The following LMAN2 variants were observed in gnomAD, a reference collection of about 807,000 sequenced individuals.
The protein encoded by LMAN2 is vesicular integral-membrane protein VIP36.
LMAN2 carries 22 observed loss-of-function variants against 39.3 expected under a neutral mutation model. The observed-to-expected ratio is 0.56, with a 90% CI of 0.40 to 0.80. The LOEUF (loss-of-function observed/expected upper bound fraction) is 0.80, where lower values mean the gene tolerates loss of function less well. LMAN2 is among the 30% of genes least tolerant of loss of function. LMAN2 has a pLI of 0.00. For missense variants in LMAN2, 494 were observed against 505.4 expected, an observed-to-expected ratio of 0.98 and a Z score of 0.22; for synonymous variants, 207 against 207.8, an observed-to-expected ratio of 1.00 and a Z score of 0.03.
At chr5:177,345,218 G>C (rs563596227) in intron 2 of LMAN2, among the ~76,000 whole-genome samples, 16 of 150,876 alleles carry the variant, frequency 1.1e-4, no homozygotes, top group Non-Finnish European at 2.1e-4. Flanking sequence ...GGTGGTGTGC[G>C]CCTGTAGTCC....
At position 177,331,996 on chromosome 5, in the gene LMAN2, G is replaced by C. The variant is rs1581599676; in HGVS notation, c.*90C>G. On this transcript the variant is annotated 3_prime_UTR_variant, in exon 8 of 8. Coordinates refer to ENST00000303127, the MANE Select transcript of LMAN2 (RefSeq NM_006816.3). ...TTTATTTGAAACAGTTAAGAAATAA[G>C]GTCATCTTGTTGTTCTTTTATAATC... 9 of 1,285,240 alleles carry C rather than the reference G, an allele frequency of 7.0e-6. No homozygotes were observed. The South Asian group carries it at 1.2e-4, about 17-fold the overall frequency. The allele number at this position is 1,285,240 out of a possible 1,614,324, so 79.6% of individuals were successfully genotyped here.
At position 177,332,920 on chromosome 5, in the gene LMAN2, C is replaced by A. The variant is rs922889195; in HGVS notation, c.911-674G>T. ...GCCACTCTGCCTCCCTCCCTGACTG[C>A]GGCCCCCCCGACTCCACACTGTACA... On this transcript the variant is annotated intron_variant, in intron 7 of 7. Transcript: ENST00000303127. This position sits in a 1 kb window ranked among gnomAD's most constrained non-coding sequence, Gnocchi z 6.3. Among the ~76,000 whole-genome samples, 2 of 151,948 alleles carry A rather than the reference C, an allele frequency of 1.3e-5. No individual in the cohort carries two copies. The highest frequency in any genetic ancestry group is 4.8e-5 in the African/African-American group (2 of 41,352).
At chr5:177,343,359 G>A (rs529049837) in intron 2 of LMAN2, among the ~76,000 whole-genome samples, 20 of 152,266 alleles carry the variant, frequency 1.3e-4, no homozygotes, top group South Asian at 8.3e-4. Context: ...ACAGAAAACC[G>A]TTTGGTAGTC....
rs778900970 is a variant in LMAN2, at chr5:177,351,629, T to C, written c.19A>G (p.Ile7Val). 1.3e-5 allele frequency: 20 copies of C among 1,593,944 alleles called. No individual in the cohort carries two copies. The highest frequency in any genetic ancestry group is 1.7e-5 in the Non-Finnish European group (20 of 1,172,770). Reference sequence around the variant, plus strand: ...CGCCGGCCCCAGCCCCAACGCCAAATCCAGCCTTCCGCCGCCATTCTCCTC... The same window carrying C: ...CGCCGGCCCCAGCCCCAACGCCAAACCCAGCCTTCCGCCGCCATTCTCCTC... Reference protein sequence around the residue: MAAEGWIWRWGWGRRCL... With the variant: MAAEGWVWRWGWGRRCL... Residue 7 changes from isoleucine to valine, a missense_variant, in exon 1 of 8, where the codon ATT becomes GTT. Coordinates refer to ENST00000303127, the MANE Select transcript of LMAN2 (RefSeq NM_006816.3).
Position 177,332,419 on chromosome 5 carries a change from C to G in LMAN2, c.911-173G>C, listed in dbSNP as rs1308545428. On this transcript the variant is annotated intron_variant, in intron 7 of 7. Coordinates refer to ENST00000303127, the MANE Select transcript of LMAN2 (RefSeq NM_006816.3). The surrounding 1 kb of genome is among the most constrained non-coding windows in gnomAD (Gnocchi z 6.3). ...CAGGTGAAGCCCATCCCAGCCAGCT[C>G]TGCAGTCCCCAGGGCAGGGTGGGGC... The G allele has an allele frequency of 2.9e-5, 18 of 628,804 alleles. No homozygotes were observed. The East Asian group carries it at 5.0e-4, about 17-fold the overall frequency. 39.0% of individuals were successfully genotyped at this position (628,804 alleles called of 1,614,324 possible). A position where few individuals can be genotyped will look rare whatever the true frequency, so the allele number is the denominator to read the frequency against.
intron 2 of LMAN2, among the ~76,000 whole-genome samples, chr5:177,340,989 T>C (rs1472893706): frequency 2.6e-5 from 4 of 151,582 alleles, no homozygotes; most frequent in Non-Finnish European, 4.4e-5. Flanking sequence ...TCTCCTGACC[T>C]TGTGATCCGC....
chr5:177,335,477 C>A (rs1019646937), intron 6 of LMAN2, among the ~76,000 whole-genome samples: 2 of 152,240 alleles, frequency 1.3e-5, no homozygotes. Context: ...CTCCTCCACT[C>A]TGTGCTGGGC....
chr5:177,344,008 G>A (rs903661076), intron 2 of LMAN2, among the ~76,000 whole-genome samples: 8 of 151,634 alleles, frequency 5.3e-5, no homozygotes, highest in African/African-American at 9.7e-5. Flanking sequence ...CCAGGAGTTC[G>A]AGACCAGCCC....
rs190722130 is a variant in LMAN2, at chr5:177,342,168, C to G, written c.316-3563G>C. On this transcript the variant is annotated intron_variant, in intron 2 of 7. Coordinates refer to ENST00000303127, the MANE Select transcript of LMAN2 (RefSeq NM_006816.3). ...AGGATCTCTGTATTATTTCCTGCAA[C>G]GGCATGTGAATTTATAATTATGTCA... 2.6e-5 allele frequency among the ~76,000 whole-genome samples: 4 copies of G among 152,136 alleles called. No individual in the cohort carries two copies. The South Asian group carries it at 6.2e-4, about 24-fold the overall frequency.
intron 2 of LMAN2, 80 bp downstream of exon 2, chr5:177,351,093 A>C (rs1223725370): frequency 2.4e-6 from 3 of 1,253,236 alleles, no homozygotes; most frequent in Non-Finnish European, 3.5e-6. Context: ...CCTATAAACG[A>C]AGCTGGGGTC....
chr5:177,342,561 C>T (rs895838882), intron 2 of LMAN2, among the ~76,000 whole-genome samples: 1 of 152,114 alleles, frequency 6.6e-6, no homozygotes, highest in African/African-American at 2.4e-5. Flanking sequence ...CTGCGCATGC[C>T]TGTAGTCCCA....
chr5:177,347,546 T>C (rs548229910), intron 2 of LMAN2, among the ~76,000 whole-genome samples: 2 of 151,954 alleles, frequency 1.3e-5, no homozygotes, highest in Non-Finnish European at 2.9e-5. Context: ...ACAAACACGA[T>C]ATGACCACAG....
At chr5:177,336,514 A>C (rs1761473112) in intron 6 of LMAN2, among the ~76,000 whole-genome samples, 1 of 152,228 alleles carries the variant, frequency 6.6e-6, no homozygotes. Flanking sequence ...TGGTGGCCTG[A>C]AGCCGCCAGG....
chr5:177,339,829 A>G (rs1292216275), intron 2 of LMAN2, among the ~76,000 whole-genome samples: 1 of 152,254 alleles, frequency 6.6e-6, no homozygotes, highest in Non-Finnish European at 1.5e-5. Context: ...CTGTGATCAC[A>G]GAAAAATAAA....
At chr5:177,348,077 A>T (rs1761661468) in intron 2 of LMAN2, among the ~76,000 whole-genome samples, 1 of 152,232 alleles carries the variant, frequency 6.6e-6, no homozygotes, top group South Asian at 2.1e-4. Context: ...TCTTATTCTG[A>T]CAGTATTATC....
chr5:177,340,261 A>G (rs1267292424), intron 2 of LMAN2, among the ~76,000 whole-genome samples: 1 of 152,140 alleles, frequency 6.6e-6, no homozygotes, highest in Non-Finnish European at 1.5e-5. Flanking sequence ...ATTTTTTTCT[A>G]ATTTTTTTCC....
chr5:177,344,307 A>G (rs1336491279), intron 2 of LMAN2, among the ~76,000 whole-genome samples: 1 of 122,274 alleles, frequency 8.2e-6, no homozygotes, highest in African/African-American at 3.2e-5. Context: ...TTTTTTTGAG[A>G]CAGAGTCTTG....
At chr5:177,335,390 T>C (rs893200080) in intron 6 of LMAN2, among the ~76,000 whole-genome samples, 1 of 152,150 alleles carries the variant, frequency 6.6e-6, no homozygotes, top group Non-Finnish European at 1.5e-5. Context: ...TAAAAATACA[T>C]CAGGTGACAT....
At position 177,349,368 on chromosome 5, in the gene LMAN2, G is replaced by A. The variant is rs374146769; in HGVS notation, c.315+1805C>T. On this transcript the variant is annotated intron_variant, in intron 2 of 7. Transcript: ENST00000303127. Reference sequence around the variant, plus strand: ...GGAAGCATCTCTCCAGCTCATTAAAGGAAGAGGCAGTTCTTGGGAAACACT... The same window carrying A: ...GGAAGCATCTCTCCAGCTCATTAAAAGAAGAGGCAGTTCTTGGGAAACACT... Among the ~76,000 whole-genome samples the A allele has an allele frequency of 1.3e-4, 20 of 152,342 alleles. No individual in the cohort carries two copies. In the East Asian group the frequency reaches 2.9e-3, roughly 22 times the overall value.
Sources: allele counts gnomAD v4.1 joint callset (sites outside exome capture counted in the v4.1 genomes callset), GRCh38; gene constraint gnomAD v4.1.1; non-coding constraint Gnocchi (gnomAD v3.1); transcripts MANE v1.5; gene names NCBI Gene and HGNC (gene_info 2026-07-23, HGNC 2026-07-21).